SPAG16: variants seen among roughly 807,000 people sequenced by gnomAD.
SPAG16 encodes sperm-associated antigen 16 protein.
A neutral mutation model predicts 80.4 loss-of-function variants in SPAG16; 86 were observed. The ratio of observed to expected loss-of-function variants is 1.07; its 90% CI spans 0.90 to 1.28. The LOEUF (loss-of-function observed/expected upper bound fraction) is 1.28, where lower values mean the gene tolerates loss of function less well. Among genes scored for constraint, SPAG16 ranks in the 50% most tolerant of loss-of-function variants. The pLI, the probability that SPAG16 is intolerant of heterozygous loss-of-function variation, is 0.00. For synonymous variants in SPAG16, 294 were observed against 265.9 expected (o/e 1.11, Z -1.03); for missense variants, 870 against 765.3 (o/e 1.14, Z -1.61).
chr2:213,808,891 A>G (rs544695713), intron 10 of SPAG16, among the ~76,000 whole-genome samples: 4 of 152,126 alleles, frequency 2.6e-5, no homozygotes, highest in East Asian at 1.9e-4. Context: ...CCCATGTTCT[A>G]TTGGAGTTGT....
At chr2:213,689,379 G>A (rs2064835521) in intron 10 of SPAG16, among the ~76,000 whole-genome samples, 1 of 152,090 alleles carries the variant, frequency 6.6e-6, no homozygotes, top group Non-Finnish European at 1.5e-5. Flanking sequence ...TTGTTTGGAT[G>A]CCAAACAATG....
rs1295418880 is a variant in SPAG16 at position 214,355,595 on chromosome 2, C to G, written c.1721-54545C>G. 2.1e-5 allele frequency among the ~76,000 whole-genome samples: 3 copies of G among 143,364 alleles called. No individual in the cohort carries two copies. In the East Asian group the frequency reaches 6.2e-4, roughly 30 times the overall value. 94.1% of individuals were successfully genotyped at this position (143,364 alleles called of 152,430 possible). On this transcript the variant is annotated intron_variant, in intron 15 of 15. Coordinates refer to ENST00000331683, the MANE Select transcript of SPAG16 (RefSeq NM_024532.5). ...TGGTGGGACTGTAAACTAGTTCAAC[C>G]ATTGTGGAAGTCAGTGTGGCGATTC...
chr2:213,535,752 C>T (rs187023867), intron 10 of SPAG16, among the ~76,000 whole-genome samples: 8 of 152,076 alleles, frequency 5.3e-5, no homozygotes, highest in Admixed American at 5.2e-4. Flanking sequence ...AAGAAATGTT[C>T]TTTAGCAATT....
At chr2:213,489,576 CA>C (rs1217001681) in intron 9 of SPAG16, among the ~76,000 whole-genome samples, 1 of 151,876 alleles carries the variant, frequency 6.6e-6, no homozygotes, top group African/African-American at 2.4e-5. Context: ...TTATAGGGGA[CA>C]AAAGGGGCAT....
chr2:214,178,025 T>C lies in SPAG16; in HGVS notation c.1720+28759T>C, dbSNP rs548008295. On this transcript the variant is annotated intron_variant, in intron 15 of 15. Coordinates refer to ENST00000331683, the MANE Select transcript of SPAG16 (RefSeq NM_024532.5). ...TATATATATATATTCATACTTTATTTGTACATATAAACTCAAGTAGATATA... is the reference window on the plus strand; with the variant it reads ...TATATATATATATTCATACTTTATTCGTACATATAAACTCAAGTAGATATA... Among the ~76,000 whole-genome samples the C allele has an allele frequency of 4.0e-4, 55 of 137,558 alleles. 1 individual carries two copies. The highest frequency in any genetic ancestry group is 1.4e-3 in the African/African-American group (53 of 37,596). 90.2% of individuals were successfully genotyped at this position (137,558 alleles called of 152,430 possible).
chr2:214,004,345 A>C (rs935364841), intron 12 of SPAG16, among the ~76,000 whole-genome samples: 1 of 152,138 alleles, frequency 6.6e-6, no homozygotes, highest in Non-Finnish European at 1.5e-5. Context: ...TCAGGGTAGC[A>C]AAAAATTACA....
intron 13 of SPAG16, 152 bp from the exon 14 acceptor site, chr2:214,108,044 T>A (rs1051441246): frequency 1.4e-5 from 8 of 583,610 alleles, no homozygotes; most frequent in Admixed American, 3.0e-5. Flanking sequence ...TGAATAGTAG[T>A]TGATAGCAAA....
intron 10 of SPAG16, among the ~76,000 whole-genome samples, chr2:213,762,248 T>A (rs370923870): frequency 1.3e-5 from 2 of 152,192 alleles, no homozygotes; most frequent in East Asian, 3.9e-4. Context: ...GAATAGAGTT[T>A]CAGTTTATAA....
chr2:214,109,736 G>A (rs1045791269), intron 14 of SPAG16, among the ~76,000 whole-genome samples: 2 of 152,214 alleles, frequency 1.3e-5, no homozygotes, highest in Middle Eastern at 3.4e-3. Flanking sequence ...ATTTTCTGTA[G>A]TGAGCCAATT....
intron 15 of SPAG16, among the ~76,000 whole-genome samples, chr2:214,173,369 G>T (rs1240376756): frequency 1.3e-5 from 2 of 151,980 alleles, no homozygotes; most frequent in Non-Finnish European, 2.9e-5. Context: ...TTTCCCCGTT[G>T]CTTGTTTTTG....
intron 10 of SPAG16, among the ~76,000 whole-genome samples, chr2:213,495,279 G>C (rs1222737485): frequency 6.6e-6 from 1 of 152,200 alleles, no homozygotes; most frequent in Non-Finnish European, 1.5e-5. Context: ...CTTCCAGTGG[G>C]ATTCACTGTT....
rs570230506 is a variant in SPAG16, at chr2:213,966,406, C to T, written c.1400+36261C>T. ...AGTTAAAAGTATATATCTCATAAAA[C>T]GTTAATGTAATTTGTAATAAGAAAT... On this transcript the variant is annotated intron_variant, in intron 12 of 15. Transcript: ENST00000331683. Among the ~76,000 whole-genome samples the T allele has an allele frequency of 1.1e-3, 162 of 152,026 alleles. 1 individual carries two copies. The highest frequency in any genetic ancestry group is 3.7e-3 in the African/African-American group (152 of 41,472).
At chr2:213,718,496 G>A (rs1296613483) in intron 10 of SPAG16, among the ~76,000 whole-genome samples, 1 of 152,226 alleles carries the variant, frequency 6.6e-6, no homozygotes, top group African/African-American at 2.4e-5. Flanking sequence ...TGGAGGGAGA[G>A]GCACCAGCGG....
intron 9 of SPAG16, among the ~76,000 whole-genome samples, chr2:213,413,291 T>A (rs559941856): frequency 2.0e-5 from 3 of 152,156 alleles, no homozygotes; most frequent in African/African-American, 7.2e-5. Flanking sequence ...TCCATAAGAT[T>A]AAGTATTATT....
At chr2:213,834,186 G>C (rs1337021136) in intron 10 of SPAG16, among the ~76,000 whole-genome samples, 1 of 152,142 alleles carries the variant, frequency 6.6e-6, no homozygotes, top group African/African-American at 2.4e-5. Flanking sequence ...ATGTGCAGCT[G>C]TAAGTCCAAT....
chr2:214,310,367 A>G (rs1695207917), intron 15 of SPAG16, among the ~76,000 whole-genome samples: 1 of 152,148 alleles, frequency 6.6e-6, no homozygotes, highest in African/African-American at 2.4e-5. Flanking sequence ...TTGTAGCTAT[A>G]CATTGGGCAT....
intron 12 of SPAG16, among the ~76,000 whole-genome samples, chr2:213,944,226 C>G (rs1437779454): frequency 6.6e-6 from 1 of 152,196 alleles, no homozygotes; most frequent in African/African-American, 2.4e-5. Flanking sequence ...CTCCACTTGG[C>G]AGAGCAACTG....
intron 12 of SPAG16, among the ~76,000 whole-genome samples, chr2:213,965,402 T>TATCACAGTCAGCTATTAG (rs1553682642): frequency 6.6e-6 from 1 of 152,178 alleles, no homozygotes; most frequent in African/African-American, 2.4e-5. Flanking sequence ...TCTCTCTTGC[T>TATCACAGTCAGCTATTAG]ATCACACTCA....
intron 3 of SPAG16, among the ~76,000 whole-genome samples, chr2:213,299,185 A>G (rs951735884): frequency 6.6e-6 from 1 of 152,212 alleles, no homozygotes; most frequent in Non-Finnish European, 1.5e-5. Context: ...TTATGATACT[A>G]TTAGGAAAGT....
Sources: allele counts gnomAD v4.1 joint callset (sites outside exome capture counted in the v4.1 genomes callset), GRCh38; gene constraint gnomAD v4.1.1; transcripts MANE v1.5; gene names NCBI Gene and HGNC (gene_info 2026-07-23, HGNC 2026-07-21).